TSPEAR: variants seen among roughly 807,000 people sequenced by gnomAD.
The protein encoded by TSPEAR is thrombospondin type laminin G domain and EAR repeats.
In TSPEAR, 69 loss-of-function variants were observed where a neutral mutation model predicts 71.6. The ratio of observed to expected loss-of-function variants is 0.96; its 90% confidence interval spans 0.79 to 1.18. The LOEUF (loss-of-function observed/expected upper bound fraction) is 1.18, where lower values mean the gene tolerates loss of function less well. TSPEAR is among the 50% of genes most tolerant of loss of function. The probability of loss-of-function intolerance (pLI) is 0.00; values close to 1 mark genes in which losing one functional copy is unlikely to be tolerated. For synonymous variants in TSPEAR, 402 were observed against 387.2 expected, an observed-to-expected ratio of 1.04 and a Z score of -0.45; for missense variants, 971 against 894.9, an observed-to-expected ratio of 1.09 and a Z score of -1.09.
rs1601468520 is a variant in TSPEAR, at chr21:44,600,453, G to T, written c.83-32448C>A. On this transcript the variant is annotated intron_variant, in intron 1 of 11. Transcript: ENST00000323084. The stretch of plus-strand genomic sequence containing the variant: ...AACTCGCACTAATAAGCGTTCTCTA[G>T]GTTTTAAACACAAACAAGGAAGGGG... 8.6e-6 allele frequency: 7 copies of T among 813,146 alleles called. No individual in the cohort carries two copies. The East Asian group carries it at 1.6e-4, about 19-fold the overall frequency. 50.4% of individuals were successfully genotyped at this position (813,146 alleles called of 1,614,324 possible). A position where few individuals can be genotyped will look rare whatever the true frequency, so the allele number is the denominator to read the frequency against.
intron 1 of TSPEAR, among the ~76,000 whole-genome samples, chr21:44,696,968 A>T (rs1245822801): frequency 6.6e-6 from 1 of 151,978 alleles, no homozygotes; most frequent in Admixed American, 6.6e-5. Flanking sequence ...TGAGAGATAT[A>T]TAAGCTCCTA....
At chr21:44,610,773 G>A (rs1194164257) in intron 1 of TSPEAR, among the ~76,000 whole-genome samples, 1 of 152,172 alleles carries the variant, frequency 6.6e-6, no homozygotes, top group Non-Finnish European at 1.5e-5. Flanking sequence ...CAGGAGGGAG[G>A]CTGTACCCTG....
chr21:44,644,084 G>A (rs1210437071), intron 1 of TSPEAR, among the ~76,000 whole-genome samples: 2 of 152,182 alleles, frequency 1.3e-5, no homozygotes, highest in African/African-American at 4.8e-5. Context: ...TCCCAGCCAG[G>A]GCCATTTAAT....
chr21:44,594,694 G>T (rs1980239842), intron 1 of TSPEAR, among the ~76,000 whole-genome samples: 1 of 152,128 alleles, frequency 6.6e-6, no homozygotes, highest in African/African-American at 2.4e-5. Flanking sequence ...TCCTGCCCCA[G>T]CCCCTCCTCC....
In TSPEAR at chr21:44,573,272, G is replaced by A. The variant is rs150235533; in HGVS notation, c.83-5267C>T. Among the ~76,000 whole-genome samples, 9 of 151,830 alleles carry A rather than the reference G, an allele frequency of 5.9e-5. No individual in the cohort carries two copies. In the East Asian group the frequency reaches 7.8e-4, roughly 13 times the overall value. ...GCAGCCTAGAAAACCAAGGCCCAGC[G>A]GAGCCACCCGTAGGCACCCACTCCC... On this transcript the variant is annotated intron_variant, in intron 1 of 11. Transcript: ENST00000323084.
At chr21:44,698,909 A>G (rs1197441986) in intron 1 of TSPEAR, among the ~76,000 whole-genome samples, 3 of 152,232 alleles carry the variant, frequency 2.0e-5, no homozygotes, top group African/African-American at 4.8e-5. Flanking sequence ...TGTCTCCATT[A>G]AAAATAAAAA....
chr21:44,612,165 G>C lies in TSPEAR; in HGVS notation c.83-44160C>G, dbSNP rs782006985. On this transcript the variant is annotated intron_variant, in intron 1 of 11. Coordinates refer to ENST00000323084, the MANE Select transcript of TSPEAR (RefSeq NM_144991.3). This position sits in a 1 kb window ranked among gnomAD's most constrained non-coding sequence, Gnocchi z 4.1. ...GCATCCACCATGTCTGTCTGCTCCA[G>C]TGACGTGGGCCATGTCAGCCGAGTC... 50 of 1,613,992 alleles carry C rather than the reference G, an allele frequency of 3.1e-5. No homozygotes were observed. Among genetic ancestry groups the C allele is most frequent in the South Asian group, 2.4e-4 (22 of 91,088 alleles).
chr21:44,604,487 A>G (rs1227138432), intron 1 of TSPEAR, among the ~76,000 whole-genome samples: 1 of 152,108 alleles, frequency 6.6e-6, no homozygotes, highest in Non-Finnish European at 1.5e-5. Flanking sequence ...CTAGACTTAC[A>G]TGTCAAAGAT....
intron 7 of TSPEAR, among the ~76,000 whole-genome samples, chr21:44,526,849 G>A (rs112304046): frequency 6.6e-6 from 1 of 152,224 alleles, no homozygotes; most frequent in East Asian, 1.9e-4. Flanking sequence ...GTCAGCCTGC[G>A]AGGTCCCACC....
intron 1 of TSPEAR, among the ~76,000 whole-genome samples, chr21:44,679,918 G>A (rs186048403): frequency 1.4e-4 from 22 of 152,160 alleles, no homozygotes; most frequent in Admixed American, 1.2e-3. Flanking sequence ...ACATAAGACC[G>A]AAAACCATAA....
chr21:44,689,749 G>C (rs1265022267), intron 1 of TSPEAR, among the ~76,000 whole-genome samples: 4 of 59,622 alleles, frequency 6.7e-5, no homozygotes, highest in East Asian at 8.0e-4. Flanking sequence ...ATTTTGGGGG[G>C]GGTTACTAAG....
intron 1 of TSPEAR, among the ~76,000 whole-genome samples, chr21:44,660,898 C>T (rs1244345246): frequency 3.9e-5 from 6 of 152,014 alleles, no homozygotes; most frequent in Admixed American, 1.3e-4. Context: ...ACCCGGGAGG[C>T]AGAGGTTGCA....
intron 1 of TSPEAR, among the ~76,000 whole-genome samples, chr21:44,649,160 CT>C (rs1984621353): frequency 6.6e-6 from 1 of 152,212 alleles, no homozygotes; most frequent in Admixed American, 6.5e-5. Flanking sequence ...GGGAGGGTGT[CT>C]GTAAGGCGAG....
intron 2 of TSPEAR, chr21:44,539,165 G>A: frequency 7.1e-7 from 1 of 1,400,322 alleles, no homozygotes; most frequent in Non-Finnish European, 9.4e-7. Context: ...GCAAGGAGGG[G>A]GGGTCACCTC....
chr21:44,575,308 G>T, intron 1 of TSPEAR: 2 of 442,018 alleles, frequency 4.5e-6, no homozygotes, highest in Non-Finnish European at 8.5e-6. Flanking sequence ...GCTCAGAGCC[G>T]CAGAGCCTTC....
At chr21:44,599,183 A>G (rs447568) in intron 1 of TSPEAR, among the ~76,000 whole-genome samples, 20,588 of 55,866 alleles carry the variant, frequency 0.37, 2,684 homozygotes, top group African/African-American at 0.44. Context: ...CTTCCATCCC[A>G]TAGGACCAGA....
At chr21:44,677,781 T>G in intron 1 of TSPEAR, 1 of 1,321,098 alleles carries the variant, frequency 7.6e-7, no homozygotes, top group Admixed American at 1.7e-5. Flanking sequence ...CTGAGTTGAT[T>G]TCTTTGGCAA....
In TSPEAR at chr21:44,612,047, C is replaced by A; in HGVS notation, c.83-44042G>T. ...GTATAAAACCTCAGCAGCCAGGGCA[C>A]ACAAACCCACACACCTCACACCAGC... On this transcript the variant is annotated intron_variant, in intron 1 of 11. Transcript: ENST00000323084. This position sits in a 1 kb window ranked among gnomAD's most constrained non-coding sequence, Gnocchi z 4.1. 2 of 1,565,212 alleles carry A rather than the reference C, an allele frequency of 1.3e-6. No homozygotes were observed. The highest frequency in any genetic ancestry group is 8.7e-7 in the Non-Finnish European group (1 of 1,146,716).
chr21:44,666,386 C>T (rs397834521), intron 1 of TSPEAR: 22 of 1,514,998 alleles, frequency 1.5e-5, no homozygotes, highest in East Asian at 9.1e-5. Context: ...AGGACTCATC[C>T]AGGGAGTGTA....
Sources: gnomAD v4.1 joint callset for allele counts (sites outside exome capture counted in the v4.1 genomes callset) on GRCh38, gnomAD v4.1.1 for gene constraint, Gnocchi (gnomAD v3.1) non-coding constraint, MANE v1.5 for transcripts, NCBI Gene and HGNC (gene_info 2026-07-23, HGNC 2026-07-21) for gene names.